The following ENTREP2 variants were observed in gnomAD, a reference collection of about 807,000 sequenced individuals.
ENTREP2 encodes the protein endosomal transmembrane epsin interactor 2, also known as protein ENTREP2.
At chr15:29,653,822 G>A in the ENTREP2 span, among the ~76,000 whole-genome samples, 1 of 151,208 alleles carries the variant, frequency 6.6e-6, no homozygotes, top group Non-Finnish European at 1.5e-5. Flanking sequence ...CTTAATACAC[G>A]TGGTCCAGAG....
chr15:29,254,146 A>C, the ENTREP2 span, among the ~76,000 whole-genome samples: 1 of 143,298 alleles, frequency 7.0e-6, no homozygotes, highest in African/African-American at 2.6e-5. Context: ...ACTGGCATTA[A>C]AACTTGTTAA....
chr15:29,183,693 C>T, the ENTREP2 span, among the ~76,000 whole-genome samples: 1 of 152,086 alleles, frequency 6.6e-6, no homozygotes, highest in African/African-American at 2.4e-5. Flanking sequence ...GTACCAAATG[C>T]GTCAACTTTG....
chr15:29,124,749 G>GAAGAGGCATCGC, the ENTREP2 span: 6 of 1,550,600 alleles, frequency 3.9e-6, no homozygotes, highest in South Asian at 7.1e-5. Context: ...CGGCCTGTGT[G>GAAGAGGCATCGC]AAGAGGCATC....
At chr15:29,269,979 C>A in the ENTREP2 span, 1 of 414,326 alleles carries the variant, frequency 2.4e-6, no homozygotes, top group Non-Finnish European at 4.2e-6. Context: ...CCAAACCATG[C>A]AAACAGAGAG....
chr15:29,564,276 C>T, the ENTREP2 span, among the ~76,000 whole-genome samples: 1 of 152,198 alleles, frequency 6.6e-6, no homozygotes, highest in Non-Finnish European at 1.5e-5. Context: ...TCCTTTGCTC[C>T]AGCTCTAGAA....
the ENTREP2 span, among the ~76,000 whole-genome samples, chr15:29,275,590 A>G: frequency 3.9e-5 from 6 of 152,270 alleles, no homozygotes; most frequent in African/African-American, 1.4e-4. Flanking sequence ...AAGCTAAGCT[A>G]GCTAAGATTT....
the ENTREP2 span, among the ~76,000 whole-genome samples, chr15:29,500,510 A>G: frequency 6.6e-6 from 1 of 152,120 alleles, no homozygotes; most frequent in South Asian, 2.1e-4. Context: ...AGAAGAATTT[A>G]CAAGAGAACT....
chr15:29,592,542 CG>C, the ENTREP2 span, among the ~76,000 whole-genome samples: 1 of 151,820 alleles, frequency 6.6e-6, no homozygotes, highest in Non-Finnish European at 1.5e-5. Context: ...TTGCGGGGGG[CG>C]GAGCCCTCAG....
At chr15:29,345,184 G>A in the ENTREP2 span, among the ~76,000 whole-genome samples, 50 of 152,264 alleles carry the variant, frequency 3.3e-4, no homozygotes, top group East Asian at 5.6e-3. Context: ...CGTAACTGAT[G>A]GGAATATTAG....
At chr15:29,310,793 C>A in the ENTREP2 span, among the ~76,000 whole-genome samples, 1 of 152,124 alleles carries the variant, frequency 6.6e-6, no homozygotes, top group Non-Finnish European at 1.5e-5. Flanking sequence ...TTCATGGAAC[C>A]TAATACACAC....
the ENTREP2 span, among the ~76,000 whole-genome samples, chr15:29,587,734 A>C: frequency 6.6e-6 from 1 of 152,136 alleles, no homozygotes; most frequent in Admixed American, 6.5e-5. Context: ...ATCTCAGCTC[A>C]CTGCAACCTC....
the ENTREP2 span, among the ~76,000 whole-genome samples, chr15:29,344,025 T>A: frequency 1.3e-5 from 2 of 152,186 alleles, no homozygotes; most frequent in African/African-American, 4.8e-5. Context: ...CATATTTAAA[T>A]CCATATAATA....
At chr15:29,229,469 C>T in the ENTREP2 span, among the ~76,000 whole-genome samples, 4 of 152,142 alleles carry the variant, frequency 2.6e-5, no homozygotes, top group Non-Finnish European at 5.9e-5. Context: ...AGAGACATAC[C>T]AATGTCTCTA....
the ENTREP2 span, among the ~76,000 whole-genome samples, chr15:29,168,394 A>C: frequency 0.54 from 81,959 of 152,012 alleles, 22,446 homozygotes; most frequent in East Asian, 0.7. Context: ...TAATGCAGAG[A>C]AAGACTCTGT....
chr15:29,126,167 C>T, the ENTREP2 span: 1 of 977,758 alleles, frequency 1.0e-6, no homozygotes, highest in Non-Finnish European at 1.5e-6. Flanking sequence ...CAGACAGGAT[C>T]TGCAGGGCCG....
chr15:29,624,470 C>T, the ENTREP2 span, among the ~76,000 whole-genome samples: 2 of 152,106 alleles, frequency 1.3e-5, no homozygotes, highest in African/African-American at 4.8e-5. Context: ...CAATATGTCT[C>T]CATCTGATCA....
the ENTREP2 span, among the ~76,000 whole-genome samples, chr15:29,457,196 T>C: frequency 2.0e-5 from 3 of 152,302 alleles, no homozygotes; most frequent in South Asian, 4.1e-4. Context: ...GGAAGATGCC[T>C]GAGAGGCCAG....
the ENTREP2 span, among the ~76,000 whole-genome samples, chr15:29,568,494 T>A: frequency 6.6e-6 from 1 of 152,070 alleles, no homozygotes; most frequent in East Asian, 1.9e-4. Flanking sequence ...GAGTTTGAGT[T>A]TGAATCCAGC....
chr15:29,339,828 G>T, the ENTREP2 span, among the ~76,000 whole-genome samples: 5 of 152,352 alleles, frequency 3.3e-5, 1 homozygote, highest in Admixed American at 3.3e-4. Flanking sequence ...AGGTCCTGAA[G>T]ATGGGACGTG....
Sources: allele counts gnomAD v4.1 joint callset (sites outside exome capture counted in the v4.1 genomes callset), GRCh38; gene constraint gnomAD v4.1.1; transcripts MANE v1.5; gene names NCBI Gene and HGNC (gene_info 2026-07-23, HGNC 2026-07-21).